The following SHANK2 variants were observed in gnomAD, a reference collection of about 807,000 sequenced individuals.
SHANK2 encodes SH3 and multiple ankyrin repeat domains protein 2.
SHANK2 carries 43 observed loss-of-function variants against 133.7 expected under a neutral mutation model. The ratio of observed to expected loss-of-function variants is 0.32; its 90% CI spans 0.25 to 0.41. The LOEUF is 0.41. SHANK2 is among the 10% of genes least tolerant of loss of function. The pLI, the probability that SHANK2 is intolerant of heterozygous loss-of-function variation, is 1.00. For missense variants in SHANK2, 1,994 were observed against 2,235.8 expected (o/e 0.89, Z 2.18); for synonymous variants, 1,017 against 952.8 (o/e 1.07, Z -1.24).
chr11:70,667,190 T>G (rs1468186307), intron 15 of SHANK2, among the ~76,000 whole-genome samples: 1 of 152,172 alleles, frequency 6.6e-6, no homozygotes, highest in Non-Finnish European at 1.5e-5. Flanking sequence ...TAGGCTGCCC[T>G]GGCCATGCTG....
intron 23 of SHANK2, chr11:70,489,670 T>C (rs782692685): frequency 1.4e-5 from 6 of 438,540 alleles, no homozygotes; most frequent in Non-Finnish European, 2.5e-5. Flanking sequence ...GTAAAGGCAA[T>C]GCTGAATTAT....
chr11:71,092,657 A>G (rs1555094348), intron 7 of SHANK2, 68 bp from the exon 8 acceptor site: 2 of 1,486,520 alleles, frequency 1.3e-6, no homozygotes, highest in Non-Finnish European at 1.8e-6. Context: ...GAGGTGATCC[A>G]GAAAGCAGCA....
intron 14 of SHANK2, among the ~76,000 whole-genome samples, chr11:70,713,062 C>T (rs886418358): frequency 2.0e-5 from 3 of 152,246 alleles, no homozygotes; most frequent in Middle Eastern, 3.2e-3. Context: ...AAAAGAATCA[C>T]GTGCTTTGAA....
In SHANK2 at chr11:70,487,682, T is replaced by C. The variant is rs1282277676; in HGVS notation, c.2611A>G (p.Met871Val). 19 of 1,579,914 alleles carry C rather than the reference T, an allele frequency of 1.2e-5. No individual in the cohort carries two copies. Among genetic ancestry groups the C allele is most frequent in the African/African-American group, 8.1e-5 (6 of 74,020 alleles). Residue 871 changes from methionine to valine, a missense_variant, in exon 25 of 26, where the codon ATG (methionine) becomes GTG (valine). Around this residue, in one of 5 missense-constraint regions of SHANK2, gnomAD observed 488 missense variants for 642.6 expected, o/e 0.76. Coordinates refer to ENST00000601538, the MANE Select transcript of SHANK2 (RefSeq NM_012309.5). The surrounding 1 kb of genome is among the most constrained non-coding windows in gnomAD (Gnocchi z 5.8). ...EEERQFLAPP[M>V]LKFTRSLSMP... The stretch of plus-strand genomic sequence containing the variant: ...GACAGGCTTCTGGTGAACTTCAGCA[T>C]TGGAGGAGCCAGAAACTGCCGCTCT...
At chr11:70,934,686 C>T (rs1244831986) in intron 10 of SHANK2, among the ~76,000 whole-genome samples, 3 of 152,170 alleles carry the variant, frequency 2.0e-5, no homozygotes, top group Admixed American at 6.5e-5. Context: ...GAAAATGCTG[C>T]TGCTGAATAT....
At chr11:71,119,993 T>C (rs1238742529) in intron 3 of SHANK2, among the ~76,000 whole-genome samples, 1 of 152,152 alleles carries the variant, frequency 6.6e-6, no homozygotes, top group African/African-American at 2.4e-5. Flanking sequence ...AAAAATGCAG[T>C]CATCACCTCT....
intron 14 of SHANK2, among the ~76,000 whole-genome samples, chr11:70,773,111 C>G (rs1240098026): frequency 2.0e-5 from 3 of 152,138 alleles, no homozygotes; most frequent in African/African-American, 7.2e-5. Context: ...AGAGCTGAAC[C>G]AGAGAGAGGC....
chr11:71,175,659 G>C lies in SHANK2; in HGVS notation c.-12-28321C>G, dbSNP rs527525809. On this transcript the variant is annotated intron_variant, in intron 2 of 25. Transcript: ENST00000601538. This position sits in a 1 kb window ranked among gnomAD's most constrained non-coding sequence, Gnocchi z 4.2. ...TGGAGGAAGGGAAACTGGATTTAGC[G>C]TCCTACCTGAAACCACCCAAAATAT... Among the ~76,000 whole-genome samples, 1 of 150,886 alleles carries C rather than the reference G, an allele frequency of 6.6e-6. No homozygotes were observed. Among genetic ancestry groups the C allele is most frequent in the Non-Finnish European group, 1.5e-5 (1 of 67,894 alleles).
chr11:70,737,642 G>T (rs1946432550), intron 14 of SHANK2, among the ~76,000 whole-genome samples: 1 of 152,118 alleles, frequency 6.6e-6, no homozygotes, highest in Non-Finnish European at 1.5e-5. Context: ...CTCTAGAGAG[G>T]GCAGCCCAGG....
Position 70,742,443 on chromosome 11 carries a change from T to A in SHANK2, c.1778-43680A>T, listed in dbSNP as rs149752578. On this transcript the variant is annotated intron_variant, in intron 14 of 25. Transcript: ENST00000601538. ...CTTTTTCAAAAGGTAGGCATATTAGTTCTCTGCCTAGGTCCAGGACAATTC... is the reference window on the plus strand; with the variant it reads ...CTTTTTCAAAAGGTAGGCATATTAGATCTCTGCCTAGGTCCAGGACAATTC... Among the ~76,000 whole-genome samples, 683 of 152,308 alleles carry A rather than the reference T, an allele frequency of 4.5e-3. 6 individuals are homozygous for A. The highest frequency in any genetic ancestry group is 0.016 in the African/African-American group (656 of 41,576).
chr11:70,526,952 A>T (rs1047447030), intron 17 of SHANK2, among the ~76,000 whole-genome samples: 3 of 47,848 alleles, frequency 6.3e-5, no homozygotes, highest in Non-Finnish European at 1.9e-4. Flanking sequence ...CTCGTCTCAG[A>T]GGTATGCCAA....
chr11:71,248,181 C>T (rs1954987645), intron 1 of SHANK2, among the ~76,000 whole-genome samples: 1 of 152,220 alleles, frequency 6.6e-6, no homozygotes. Context: ...GCATCAGAGG[C>T]GACTGTACCC....
At chr11:70,821,665 C>T (rs563015655) in intron 11 of SHANK2, among the ~76,000 whole-genome samples, 47 of 152,272 alleles carry the variant, frequency 3.1e-4, no homozygotes, top group African/African-American at 1.1e-3. Context: ...TCTTGTGATC[C>T]GCCTGCCTCA....
At position 70,739,921 on chromosome 11, in the gene SHANK2, A is replaced by G. The variant is rs1299826362; in HGVS notation, c.1778-41158T>C. 6.6e-6 allele frequency among the ~76,000 whole-genome samples: 1 copy of G among 152,240 alleles called. No homozygotes were observed. The highest frequency in any genetic ancestry group is 1.5e-5 in the Non-Finnish European group (1 of 68,046). On this transcript the variant is annotated intron_variant, in intron 14 of 25. Transcript: ENST00000601538. This position sits in a 1 kb window ranked among gnomAD's most constrained non-coding sequence, Gnocchi z 4.3. The stretch of plus-strand genomic sequence containing the variant: ...GAGGATGATGATCCCGAATCCTGGC[A>G]TTCGGTGGCACGCAGGTAGGGCACA...
chr11:70,592,789 G>A (rs919434634), intron 17 of SHANK2, among the ~76,000 whole-genome samples: 1 of 152,106 alleles, frequency 6.6e-6, no homozygotes, highest in Non-Finnish European at 1.5e-5. Flanking sequence ...TCCCATCCAT[G>A]CTCCTTCAGC....
intron 17 of SHANK2, among the ~76,000 whole-genome samples, chr11:70,650,858 G>A (rs1254705995): frequency 6.6e-6 from 1 of 152,240 alleles, no homozygotes; most frequent in Non-Finnish European, 1.5e-5. Context: ...AAGGAACTGT[G>A]TCTGATTCAC....
intron 15 of SHANK2, among the ~76,000 whole-genome samples, chr11:70,664,418 C>A (rs547855123): frequency 2.8e-4 from 42 of 152,340 alleles, no homozygotes; most frequent in Non-Finnish European, 5.4e-4. Context: ...CTCTGCTCAA[C>A]CCTGCTGTGC....
Position 70,626,364 on chromosome 11 carries a change from G to A in SHANK2, c.2061+33464C>T, listed in dbSNP as rs78077611. Among the ~76,000 whole-genome samples, 58 of 152,304 alleles carry A rather than the reference G, an allele frequency of 3.8e-4. 1 individual carries two copies. The East Asian group carries it at 0.011, about 29-fold the overall frequency. On this transcript the variant is annotated intron_variant, in intron 17 of 25. Transcript: ENST00000601538. ...TGACTATGGCATGAAGCCTGGTACT[G>A]GGATCAAGAGGCAGGGAGACACCAG...
intron 11 of SHANK2, among the ~76,000 whole-genome samples, chr11:70,849,806 A>C (rs1243245689): frequency 1.3e-5 from 2 of 152,108 alleles, no homozygotes; most frequent in Admixed American, 6.6e-5. Context: ...TCCCTACGTT[A>C]TCTCTTTTTT....
Sources: allele counts gnomAD v4.1 joint callset (sites outside exome capture counted in the v4.1 genomes callset), GRCh38; gene constraint gnomAD v4.1.1; regional missense constraint gnomAD v4.1.1; non-coding constraint Gnocchi (gnomAD v3.1); transcripts MANE v1.5; gene names NCBI Gene and HGNC (gene_info 2026-07-23, HGNC 2026-07-21).